GSDME: variants seen among roughly 807,000 people sequenced by gnomAD.
GSDME encodes gasdermin-E.
Under a neutral mutation model 47.5 loss-of-function variants are expected in GSDME, and 44 were observed. The ratio of observed to expected loss-of-function variants is 0.93; its 90% CI spans 0.73 to 1.19. The LOEUF (loss-of-function observed/expected upper bound fraction) is 1.19, where lower values mean the gene tolerates loss of function less well. Among genes scored for constraint, GSDME ranks in the 50% most tolerant of loss-of-function variants. GSDME has a pLI of 0.00. For synonymous variants in GSDME, 258 were observed against 252.8 expected, an observed-to-expected ratio of 1.02 and a Z score of -0.20; for missense variants, 663 against 604.2, an observed-to-expected ratio of 1.10 and a Z score of -1.02.
chr7:24,704,761 A>AT (rs1437359477), intron 8 of GSDME: 1 of 151,732 alleles, frequency 6.6e-6, no homozygotes, highest in African/African-American at 2.4e-5. Context: ...AATGGCGTCC[A>AT]TAGTTCACTG....
In GSDME at chr7:24,739,431, A is replaced by C. The variant is rs772080392; in HGVS notation, c.404+5131T>G. ...CAAATCAAAACTACAATGAGTTATC[A>C]CCTCACCCTGGTTAAAATGGCTTTT... is the stretch of plus-strand genomic sequence containing the variant. On this transcript the variant is annotated intron_variant, in intron 3 of 9. Transcript: ENST00000645220. This position sits in a 1 kb window ranked among gnomAD's most constrained non-coding sequence, Gnocchi z 5.1. Among the ~76,000 whole-genome samples, 2 of 152,186 alleles carry C rather than the reference A, an allele frequency of 1.3e-5. No homozygotes were observed. The highest frequency in any genetic ancestry group is 2.4e-5 in the African/African-American group (1 of 41,448).
upstream of GSDME, among the ~76,000 whole-genome samples, chr7:24,760,077 A>G (rs1279660573): frequency 6.6e-6 from 1 of 152,242 alleles, no homozygotes; most frequent in Non-Finnish European, 1.5e-5. The surrounding 1 kb of genome is among the most constrained non-coding windows in gnomAD (Gnocchi z 4.2). Flanking sequence ...ACAGGAGATC[A>G]ATTGGAGTGG....
At chr7:24,759,841 G>T (rs1791139184), upstream of GSDME, among the ~76,000 whole-genome samples, 1 of 152,194 alleles carries the variant, frequency 6.6e-6, no homozygotes, top group South Asian at 2.1e-4. Flanking sequence ...CAATGGTGGG[G>T]GGATGAAAAG....
intron 3 of GSDME, among the ~76,000 whole-genome samples, chr7:24,729,324 T>C (rs565727813): frequency 6.6e-6 from 1 of 152,352 alleles, no homozygotes; most frequent in East Asian, 1.9e-4. Flanking sequence ...GCAAACTAAT[T>C]AATTTCCACA....
chr7:24,720,608 T>C (rs1176701090), intron 3 of GSDME, among the ~76,000 whole-genome samples: 1 of 152,224 alleles, frequency 6.6e-6, no homozygotes, highest in Non-Finnish European at 1.5e-5. Flanking sequence ...TGAGATATCA[T>C]ACAGCCATAA....
the GSDME span, among the ~76,000 whole-genome samples, chr7:24,771,789 C>G: frequency 6.6e-6 from 1 of 152,026 alleles, no homozygotes; most frequent in African/African-American, 2.4e-5. This position sits in a 1 kb window ranked among gnomAD's most constrained non-coding sequence, Gnocchi z 4.1. Flanking sequence ...GCTGCAGGAA[C>G]CTTTCTAAAG....
chr7:24,758,776 T>C (rs1344746095), upstream of GSDME, among the ~76,000 whole-genome samples: 1 of 152,214 alleles, frequency 6.6e-6, no homozygotes, highest in Non-Finnish European at 1.5e-5. The surrounding 1 kb of genome is among the most constrained non-coding windows in gnomAD (Gnocchi z 4.6). Context: ...CTCTGCTTTA[T>C]TTTTCTCTTT....
chr7:24,787,895 CG>C, the GSDME span, among the ~76,000 whole-genome samples: 12,966 of 152,062 alleles, frequency 0.085, 757 homozygotes, highest in Non-Finnish European at 0.13. The surrounding 1 kb of genome is among the most constrained non-coding windows in gnomAD (Gnocchi z 5.0). Flanking sequence ...TTAGTAGAGA[CG>C]GGGTTTCACC....
the GSDME span, among the ~76,000 whole-genome samples, chr7:24,777,503 CA>C: frequency 4.6e-5 from 7 of 152,204 alleles, no homozygotes; most frequent in Non-Finnish European, 1.0e-4. Context: ...TACAGAAAGT[CA>C]CTGGCACATT....
At chr7:24,787,440 C>T in the GSDME span, among the ~76,000 whole-genome samples, 774 of 152,228 alleles carry the variant, frequency 5.1e-3, 5 homozygotes, top group Non-Finnish European at 8.9e-3. The surrounding 1 kb of genome is among the most constrained non-coding windows in gnomAD (Gnocchi z 5.0). Flanking sequence ...ATCCACAAAC[C>T]GTATGGTGCT....
chr7:24,760,500 T>C (rs1791150866), upstream of GSDME, among the ~76,000 whole-genome samples: 1 of 152,212 alleles, frequency 6.6e-6, no homozygotes, highest in East Asian at 1.9e-4. The surrounding 1 kb of genome is among the most constrained non-coding windows in gnomAD (Gnocchi z 4.2). Flanking sequence ...AAAAATTACT[T>C]ATAACATTGT....
chr7:24,776,655 T>C, the GSDME span, among the ~76,000 whole-genome samples: 14 of 152,338 alleles, frequency 9.2e-5, no homozygotes, highest in Admixed American at 7.8e-4. Flanking sequence ...TAAAACTTCC[T>C]GCAGCAGGTA....
At position 24,739,869 on chromosome 7, in the gene GSDME, C is replaced by A. The variant is rs983769863; in HGVS notation, c.404+4693G>T. Among the ~76,000 whole-genome samples, 1 of 152,026 alleles carries A rather than the reference C, an allele frequency of 6.6e-6. No homozygotes were observed. Among genetic ancestry groups the A allele is most frequent in the Non-Finnish European group, 1.5e-5 (1 of 67,998 alleles). ...TAGCACTTTGGGAGGCTAAGGCAGG[C>A]GGATCACGAGGTCAGGAGTTCAAGA... On this transcript the variant is annotated intron_variant, in intron 3 of 9. Coordinates refer to ENST00000645220, the MANE Select transcript of GSDME (RefSeq NM_001127453.2). The surrounding 1 kb of genome is among the most constrained non-coding windows in gnomAD (Gnocchi z 5.1).
the GSDME span, among the ~76,000 whole-genome samples, chr7:24,794,264 TTC>T: frequency 3.7e-4 from 54 of 147,550 alleles, no homozygotes; most frequent in African/African-American, 5.2e-4. Context: ...GCCTCTTTTC[TTC>T]TCTCTCTCTC....
At chr7:24,710,002 C>T (rs878912078) in intron 6 of GSDME, among the ~76,000 whole-genome samples, 1 of 152,188 alleles carries the variant, frequency 6.6e-6, no homozygotes, top group African/African-American at 2.4e-5. Context: ...GCGTCATTCT[C>T]CCCACCCTTC....
At chr7:24,701,590 T>C (rs1248015028) in intron 9 of GSDME, among the ~76,000 whole-genome samples, 1 of 152,216 alleles carries the variant, frequency 6.6e-6, no homozygotes, top group Non-Finnish European at 1.5e-5. Context: ...GAGCACTCAG[T>C]TGCTGCAAGA....
the GSDME span, among the ~76,000 whole-genome samples, chr7:24,791,480 C>T: frequency 1.9e-4 from 29 of 152,206 alleles, no homozygotes; most frequent in Non-Finnish European, 3.8e-4. This position sits in a 1 kb window ranked among gnomAD's most constrained non-coding sequence, Gnocchi z 4.8. Flanking sequence ...ACTGTTTTGG[C>T]AAGGGCTGAC....
In GSDME at chr7:24,735,125, G is replaced by T. The variant is rs1383640033; in HGVS notation, c.404+9437C>A. Reference sequence around the variant, plus strand: ...TTTCAGCACAAGTCTTTAAAGGCCAGGAGAGAGTGGCATGACATATCTAAA... The same window carrying T: ...TTTCAGCACAAGTCTTTAAAGGCCATGAGAGAGTGGCATGACATATCTAAA... On this transcript the variant is annotated intron_variant, in intron 3 of 9. Transcript: ENST00000645220. This position sits in a 1 kb window ranked among gnomAD's most constrained non-coding sequence, Gnocchi z 4.4. Among the ~76,000 whole-genome samples, 3 of 152,338 alleles carry T rather than the reference G, an allele frequency of 2.0e-5. No individual in the cohort carries two copies. The highest frequency in any genetic ancestry group is 7.2e-5 in the African/African-American group (3 of 41,578).
the GSDME span, among the ~76,000 whole-genome samples, chr7:24,794,140 T>C: frequency 1.3e-5 from 2 of 150,660 alleles, no homozygotes; most frequent in South Asian, 4.2e-4. Flanking sequence ...TACTTGTATA[T>C]CTCTCTCTTT....
Sources: allele counts gnomAD v4.1 joint callset (sites outside exome capture counted in the v4.1 genomes callset), GRCh38; gene constraint gnomAD v4.1.1; non-coding constraint Gnocchi (gnomAD v3.1); transcripts MANE v1.5; gene names NCBI Gene and HGNC (gene_info 2026-07-23, HGNC 2026-07-21).